Variants in SUGCT observed in about 807,000 individuals in gnomAD.
The protein encoded by SUGCT is succinyl-CoA:glutarate-CoA transferase, also known as succinyl-CoA:glutarate CoA-transferase.
SUGCT carries 41 observed loss-of-function variants against 55.0 expected under a neutral mutation model. The ratio of observed to expected loss-of-function variants is 0.74; its 90% CI spans 0.58 to 0.97. The LOEUF is 0.97. Ranked by LOEUF, SUGCT falls within the 50% of genes least tolerant of loss-of-function variation. The pLI is 0.00. For synonymous variants in SUGCT, 187 were observed against 200.4 expected (o/e 0.93, Z 0.56); for missense variants, 568 against 547.8 (o/e 1.04, Z -0.37).
At chr7:40,483,640 G>T (rs888157852) in intron 11 of SUGCT, among the ~76,000 whole-genome samples, 43 of 151,556 alleles carry the variant, frequency 2.8e-4, no homozygotes, top group African/African-American at 1.0e-3. Context: ...ACTGATAAAG[G>T]ATTTATTTCT....
At chr7:40,864,238 C>T (rs1277317795), downstream of SUGCT, among the ~76,000 whole-genome samples, 1 of 152,100 alleles carries the variant, frequency 6.6e-6, no homozygotes, top group Non-Finnish European at 1.5e-5. Flanking sequence ...CTCACTGCAA[C>T]CTTTGCCTCC....
chr7:40,959,681 G>A, the SUGCT span, among the ~76,000 whole-genome samples: 1 of 150,578 alleles, frequency 6.6e-6, no homozygotes, highest in East Asian at 2.0e-4. Flanking sequence ...GAGCAGCTCT[G>A]TCTTGCTGGT....
At chr7:40,198,786 C>T (rs1278610726) in intron 6 of SUGCT, among the ~76,000 whole-genome samples, 1 of 151,326 alleles carries the variant, frequency 6.6e-6, no homozygotes, top group Non-Finnish European at 1.5e-5. Flanking sequence ...CACCTGAGGT[C>T]AGGAGTTCAA....
At chr7:40,467,204 G>GAAAAAAA (rs762283927) in intron 11 of SUGCT, among the ~76,000 whole-genome samples, 5,497 of 83,374 alleles carry the variant, frequency 0.066, 3 homozygotes, top group African/African-American at 0.12. Flanking sequence ...CTAAGAAAAA[G>GAAAAAAA]AAAAAAAAAA....
chr7:40,940,196 C>T, the SUGCT span, among the ~76,000 whole-genome samples: 1 of 151,990 alleles, frequency 6.6e-6, no homozygotes, highest in Non-Finnish European at 1.5e-5. Flanking sequence ...AAATATTTGG[C>T]TTTACTTCTG....
At chr7:40,320,458 C>G (rs1206408444) in intron 9 of SUGCT, among the ~76,000 whole-genome samples, 1 of 152,084 alleles carries the variant, frequency 6.6e-6, no homozygotes, top group Non-Finnish European at 1.5e-5. Flanking sequence ...AGACAGTAGG[C>G]TTTTAGAGAT....
At chr7:40,997,022 C>G in the SUGCT span, among the ~76,000 whole-genome samples, 1 of 152,140 alleles carries the variant, frequency 6.6e-6, no homozygotes, top group Non-Finnish European at 1.5e-5. Context: ...ATGCCTGATG[C>G]GGCTCCACAA....
intron 9 of SUGCT, among the ~76,000 whole-genome samples, chr7:40,415,574 A>T (rs1786954776): frequency 6.6e-6 from 1 of 151,734 alleles, no homozygotes. Context: ...ACCTTTGGTT[A>T]TAAAAACCTT....
At chr7:40,951,015 A>G in the SUGCT span, among the ~76,000 whole-genome samples, 4 of 152,180 alleles carry the variant, frequency 2.6e-5, no homozygotes, top group East Asian at 7.7e-4. Flanking sequence ...TACTGATTGG[A>G]ATAGTTTCAG....
chr7:40,819,031 A>G (rs1791832941), intron 13 of SUGCT, among the ~76,000 whole-genome samples: 1 of 151,314 alleles, frequency 6.6e-6, no homozygotes, highest in African/African-American at 2.4e-5. Flanking sequence ...TCCTTGCAAT[A>G]GTTTGCCGAG....
chr7:40,619,570 A>T (rs1174176460), intron 12 of SUGCT, among the ~76,000 whole-genome samples: 2 of 152,184 alleles, frequency 1.3e-5, no homozygotes, highest in East Asian at 3.8e-4. Context: ...TGGCCTTTCC[A>T]TCAGCTTTAC....
intron 9 of SUGCT, among the ~76,000 whole-genome samples, chr7:40,354,291 T>C (rs1797781752): frequency 6.6e-6 from 1 of 152,058 alleles, no homozygotes; most frequent in Non-Finnish European, 1.5e-5. Context: ...AGGTATTACA[T>C]ACAACAGTGT....
chr7:40,678,044 T>A (rs2151881741), intron 12 of SUGCT, among the ~76,000 whole-genome samples: 1 of 152,340 alleles, frequency 6.6e-6, no homozygotes, highest in Non-Finnish European at 1.5e-5. Flanking sequence ...GCACAGCCGC[T>A]GGCTTCCTCC....
At chr7:40,479,387 A>G (rs765051353) in intron 11 of SUGCT, among the ~76,000 whole-genome samples, 1 of 152,136 alleles carries the variant, frequency 6.6e-6, no homozygotes, top group Non-Finnish European at 1.5e-5. Context: ...AACATGCTGT[A>G]CAGGTTTGTA....
intron 5 of SUGCT, among the ~76,000 whole-genome samples, chr7:40,191,570 A>G (rs1785912659): frequency 6.6e-6 from 1 of 152,078 alleles, no homozygotes; most frequent in South Asian, 2.1e-4. Flanking sequence ...AGCATAACTT[A>G]GGTTTGTTTC....
intron 12 of SUGCT, among the ~76,000 whole-genome samples, chr7:40,611,990 T>C (rs1483183429): frequency 2.0e-5 from 3 of 150,498 alleles, no homozygotes; most frequent in African/African-American, 7.3e-5. Context: ...TAAAGCACTG[T>C]TAAAAACTTT....
the SUGCT span, among the ~76,000 whole-genome samples, chr7:41,032,277 C>T: frequency 6.6e-6 from 1 of 151,998 alleles, no homozygotes; most frequent in Non-Finnish European, 1.5e-5. Flanking sequence ...AATAGAATCC[C>T]AGTTTTGTTC....
chr7:40,345,909 C>A (rs1341144577), intron 9 of SUGCT, among the ~76,000 whole-genome samples: 1 of 151,808 alleles, frequency 6.6e-6, no homozygotes, highest in African/African-American at 2.4e-5. Flanking sequence ...GAAAAAGAAA[C>A]TGGCTCAGAT....
At chr7:40,285,112 T>C (rs1403059011) in intron 8 of SUGCT, among the ~76,000 whole-genome samples, 2 of 152,152 alleles carry the variant, frequency 1.3e-5, no homozygotes, top group East Asian at 1.9e-4. Context: ...TGGGGAGAAA[T>C]GTTTTATGGT....
Sources: allele counts gnomAD v4.1 joint callset (sites outside exome capture counted in the v4.1 genomes callset), GRCh38; gene constraint gnomAD v4.1.1; transcripts MANE v1.5; gene names NCBI Gene and HGNC (gene_info 2026-07-23, HGNC 2026-07-21).